The following PRRT1 variants were observed in gnomAD, a reference collection of about 807,000 sequenced individuals.
PRRT1 encodes the protein proline rich transmembrane protein 1.
In PRRT1, 8 loss-of-function variants were observed where a neutral mutation model predicts 22.6. That is an observed-to-expected ratio of 0.35 (90% CI 0.21 to 0.64). The LOEUF is 0.64. Among genes scored for constraint, PRRT1 ranks in the 30% least tolerant of loss-of-function variants. The probability of loss-of-function intolerance (pLI) is 0.69; values close to 1 mark genes in which losing one functional copy is unlikely to be tolerated. For synonymous variants in PRRT1, 176 were observed against 203.6 expected (o/e 0.86, Z 1.15); for missense variants, 315 against 444.5 (o/e 0.71, Z 2.62).
chr6:32,149,296 T>C lies in PRRT1; in HGVS notation c.847A>G (p.Met283Val). The stretch of plus-strand genomic sequence containing the variant: ...ACGGTGAGGATGGTACAGAGCACCA[T>C]GGCCGCGATGCCCACGGCCAGGGAG... ...FISLAVGIAA[M>V]VLCTILTVVI... Residue 283 changes from methionine to valine, a missense_variant, in exon 4 of 4, where the codon ATG (methionine) becomes GTG (valine). By Grantham distance (21) the Met-to-Val change is conservative. This residue lies in a region of PRRT1 where 24 missense variants were observed against 38.2 expected (regional missense o/e 0.63). Transcript: ENST00000211413. This position sits in a 1 kb window ranked among gnomAD's most constrained non-coding sequence, Gnocchi z 8.7. 6.2e-7 allele frequency: 1 copy of C among 1,610,674 alleles called. No homozygotes were observed. The highest frequency in any genetic ancestry group is 8.5e-7 in the Non-Finnish European group (1 of 1,179,214).
rs182073388 is a variant in PRRT1, at chr6:32,149,154, C to A, written c.*68G>T. 2 of 1,548,870 alleles carry A rather than the reference C, an allele frequency of 1.3e-6. No homozygotes were observed. The highest frequency in any genetic ancestry group is 3.7e-5 in the Admixed American group (2 of 54,066). On this transcript the variant is annotated 3_prime_UTR_variant, in exon 4 of 4. Transcript: ENST00000211413. The surrounding 1 kb of genome is among the most constrained non-coding windows in gnomAD (Gnocchi z 8.7). ...GGGTGTGCAGGGCGCCCATTGGGTC[C>A]GCGGTATGACTGCAGAAAGAGCCTG...
Position 32,149,273 on chromosome 6 carries a change from G to A in PRRT1, c.870C>T (p.Thr290=), listed in dbSNP as rs776159088. The change falls in exon 4 of 4, where the codon ACC becomes ACT. Residue 290 remains threonine (T), a synonymous_variant. Coordinates refer to ENST00000211413, the MANE Select transcript of PRRT1 (RefSeq NM_030651.4). This position sits in a 1 kb window ranked among gnomAD's most constrained non-coding sequence, Gnocchi z 8.7. ...IAAMVLCTIL[T]VVIIIAAQHH... ...GCTGCGCGGCGATGATGATGACTAC[G>A]GTGAGGATGGTACAGAGCACCATGG... is the stretch of plus-strand genomic sequence containing the variant. 16 of 1,611,568 alleles carry A rather than the reference G, an allele frequency of 9.9e-6. No homozygotes were observed. Among genetic ancestry groups the A allele is most frequent in the Non-Finnish European group, 1.4e-5 (16 of 1,179,766 alleles).
At chr6:32,151,101 C>T (rs1783246726) in intron 1 of PRRT1, 195 bp from the exon 2 acceptor site, 1 of 705,162 alleles carries the variant, frequency 1.4e-6, no homozygotes, top group South Asian at 1.5e-5. Context: ...TGCCCCCCTC[C>T]TTCTTCCTTC....
Position 32,149,444 on chromosome 6 carries a change from G to A in PRRT1, c.745-46C>T, listed in dbSNP as rs377701845. On this transcript the variant is annotated intron_variant, in intron 3 of 3. Transcript: ENST00000211413. The surrounding 1 kb of genome is among the most constrained non-coding windows in gnomAD (Gnocchi z 8.7). Reference sequence around the variant, plus strand: ...AAGGAGGTCAAAGAGCTGCGGCCTCGTTCGAACGCCTCAGCCTTTCTCTAA... The same window carrying A: ...AAGGAGGTCAAAGAGCTGCGGCCTCATTCGAACGCCTCAGCCTTTCTCTAA... 1.8e-5 allele frequency: 29 copies of A among 1,593,862 alleles called. No homozygotes were observed. The African/African-American group carries it at 2.5e-4, about 14-fold the overall frequency.
Position 32,150,768 on chromosome 6 carries a change from G to T in PRRT1, c.158C>A (p.Thr53Asn). The change falls in exon 2 of 4, where the codon ACC becomes AAC. Residue 53 changes from threonine to asparagine, a missense_variant. Coordinates refer to ENST00000211413, the MANE Select transcript of PRRT1 (RefSeq NM_030651.4). The surrounding 1 kb of genome is among the most constrained non-coding windows in gnomAD (Gnocchi z 7.2). ...TGCCCCTAAGCGCGGGAGGGTGGCG[G>T]TGCCAGACTGATGGTAGTGGTGGTG... ...HHHHHYHQSG[T>N]ATLPRLGAGG... The T allele has an allele frequency of 6.4e-7, 1 of 1,552,102 alleles. No homozygotes were observed.
intron 1 of PRRT1, chr6:32,151,405 T>G (rs929784446): frequency 4.8e-6 from 2 of 417,336 alleles, no homozygotes; most frequent in Non-Finnish European, 8.8e-6. Context: ...GGACCTCTTT[T>G]AGGGCAGATT....
In PRRT1 at chr6:32,149,666, C is replaced by T; in HGVS notation, c.615G>A (p.Pro205=). 1 of 1,611,660 alleles carries T rather than the reference C, an allele frequency of 6.2e-7. No individual in the cohort carries two copies. The highest frequency in any genetic ancestry group is 8.5e-7 in the Non-Finnish European group (1 of 1,179,406). The change falls in exon 3 of 4, where the codon CCG becomes CCA. Residue 205 remains proline, a synonymous_variant. Transcript: ENST00000211413. This position sits in a 1 kb window ranked among gnomAD's most constrained non-coding sequence, Gnocchi z 8.7. ...GTGVTSTLPP[P]PQGPGLALLE... The stretch of plus-strand genomic sequence containing the variant: ...GTAGGGCCAGCCCTGGGCCCTGGGG[C>T]GGCGGGGGGAGAGTGGAGGTCACTC...
chr6:32,150,348 CCT>C lies in PRRT1; in HGVS notation c.558+18_558+19del, dbSNP rs759189353. Reference sequence around the variant, plus strand: ...ATCGCGTCCCCCTCTTTCCCATGTCCCTGTCTGCCCGGCACTCACCGTGCCCA... The same window carrying C: ...ATCGCGTCCCCCTCTTTCCCATGTCCGTCTGCCCGGCACTCACCGTGCCCA... On this transcript the variant is annotated intron_variant, in intron 2 of 3. Transcript: ENST00000211413. This position sits in a 1 kb window ranked among gnomAD's most constrained non-coding sequence, Gnocchi z 7.2. 4 of 1,550,208 alleles carry C rather than the reference CCT, an allele frequency of 2.6e-6. No individual in the cohort carries two copies. The African/African-American group carries it at 5.7e-5, about 22-fold the overall frequency.
upstream of PRRT1, chr6:32,151,973 C>CGGGGGGG: frequency 2.4e-5 from 2 of 84,026 alleles, no homozygotes; most frequent in Non-Finnish European, 2.2e-5. Context: ...GCGGGGGGGG[C>CGGGGGGG]GGGCGGAGGG....
At position 32,150,742 on chromosome 6, in the gene PRRT1, C is replaced by CT. The variant is rs1165656172; in HGVS notation, c.183dup (p.Gly62ArgfsTer416). 3.3e-6 allele frequency: 5 copies of CT among 1,521,370 alleles called. No individual in the cohort carries two copies. The highest frequency in any genetic ancestry group is 1.4e-5 in the African/African-American group (1 of 73,326). 94.2% of individuals were successfully genotyped at this position (1,521,370 alleles called of 1,614,324 possible). On this transcript the variant is annotated frameshift_variant, in exon 2 of 4. Coordinates refer to ENST00000211413, the MANE Select transcript of PRRT1 (RefSeq NM_030651.4). LOFTEE classifies it high-confidence loss of function. The surrounding 1 kb of genome is among the most constrained non-coding windows in gnomAD (Gnocchi z 7.2). ...GTGGCCGCGGAAGAGGCCAGGCCCC[C>CT]TGCCCCTAAGCGCGGGAGGGTGGCG...
upstream of PRRT1, chr6:32,151,998 G>GA: frequency 2.7e-6 from 1 of 376,812 alleles, no homozygotes; most frequent in Non-Finnish European, 5.3e-6. Context: ...CGGGGAGGGG[G>GA]GGAGCTTAAA....
upstream of PRRT1, chr6:32,152,000 G>GGGGGGTGA: frequency 2.9e-6 from 1 of 350,442 alleles, no homozygotes; most frequent in Non-Finnish European, 5.7e-6. Context: ...GGGAGGGGGG[G>GGGGGGTGA]AGCTTAAAGG....
chr6:32,152,132 T>C (rs1783358242), upstream of PRRT1: 1 of 686,842 alleles, frequency 1.5e-6, no homozygotes, highest in Non-Finnish European at 2.7e-6. Flanking sequence ...TCCTTTGGAG[T>C]TGTCATGGAA....
Position 32,150,909 on chromosome 6 carries a change from G to A in PRRT1, c.20-3C>T, listed in dbSNP as rs1783232637. 1 of 1,571,298 alleles carries A rather than the reference G, an allele frequency of 6.4e-7. No individual in the cohort carries two copies. The highest frequency in any genetic ancestry group is 8.6e-7 in the Non-Finnish European group (1 of 1,164,254). On this transcript the variant is annotated splice_polypyrimidine_tract_variant and splice_region_variant and intron_variant, in intron 1 of 3. Coordinates refer to ENST00000211413, the MANE Select transcript of PRRT1 (RefSeq NM_030651.4). The surrounding 1 kb of genome is among the most constrained non-coding windows in gnomAD (Gnocchi z 7.2). Reference sequence around the variant, plus strand: ...GTGAGGGACTGAGTCTGGGAGTCCTGGGGGAGGTGAGTGGAGGAGAGTATA... The same window carrying A: ...GTGAGGGACTGAGTCTGGGAGTCCTAGGGGAGGTGAGTGGAGGAGAGTATA...
rs1783083800 is a variant in PRRT1, at chr6:32,148,512, G to A, written c.*710C>T. 2 of 302,740 alleles carry A rather than the reference G, an allele frequency of 6.6e-6. No individual in the cohort carries two copies. Among genetic ancestry groups the A allele is most frequent in the Admixed American group, 8.5e-5 (2 of 23,596 alleles). The allele number at this position is 302,740 out of a possible 1,614,324, so 18.8% of individuals were successfully genotyped here. On this transcript the variant is annotated 3_prime_UTR_variant, in exon 4 of 4. Coordinates refer to ENST00000211413, the MANE Select transcript of PRRT1 (RefSeq NM_030651.4). This position sits in a 1 kb window ranked among gnomAD's most constrained non-coding sequence, Gnocchi z 5.7. ...CTTCTGCCCGGCTGCCCAGGGGCTGGGATGGGTGGAAGGGAGTATTTACAG... is the reference window on the plus strand; with the variant it reads ...CTTCTGCCCGGCTGCCCAGGGGCTGAGATGGGTGGAAGGGAGTATTTACAG...
At chr6:32,151,064 C>A in intron 1 of PRRT1, 158 bp from the exon 2 acceptor site, 1 of 744,342 alleles carries the variant, frequency 1.3e-6, no homozygotes, top group Non-Finnish European at 2.4e-6. Flanking sequence ...ATTTGAGGGG[C>A]AAGAGAGGGG....
chr6:32,151,032 G>C, intron 1 of PRRT1, 126 bp from the exon 2 acceptor site: 2 of 828,850 alleles, frequency 2.4e-6, no homozygotes, highest in South Asian at 1.4e-5. Context: ...CATAGAGAGA[G>C]ACGGGTGAGA....
rs543783199 is a variant in PRRT1 at position 32,150,534 on chromosome 6, G to A, written c.392C>T (p.Ala131Val). 6 of 1,368,450 alleles carry A rather than the reference G, an allele frequency of 4.4e-6. No homozygotes were observed. Among genetic ancestry groups the A allele is most frequent in the Non-Finnish European group, 5.6e-6 (6 of 1,063,248 alleles). 84.8% of individuals were successfully genotyped at this position (1,368,450 alleles called of 1,614,324 possible). Reference sequence around the variant, plus strand: ...CTGGGCTGGCGCCGGCGGGGGCGGGGCGGCGGCAGCGGGCGGCGGCGGGGG... The same window carrying A: ...CTGGGCTGGCGCCGGCGGGGGCGGGACGGCGGCAGCGGGCGGCGGCGGGGG... ...PLPPPPPAAA[A>V]PPPPAPAQTA... The change falls in exon 2 of 4, where the codon GCC becomes GTC. Residue 131 changes from alanine to valine, a missense_variant. Ala to Val is a moderately conservative substitution (Grantham distance 64, BLOSUM62 0). This residue lies in a region of PRRT1 where 263 missense variants were observed against 328.5 expected (regional missense o/e 0.80). Coordinates refer to ENST00000211413, the MANE Select transcript of PRRT1 (RefSeq NM_030651.4). The surrounding 1 kb of genome is among the most constrained non-coding windows in gnomAD (Gnocchi z 7.2).
Position 32,149,964 on chromosome 6 carries a change from A to C in PRRT1, c.559-242T>G. On this transcript the variant is annotated intron_variant, in intron 2 of 3. Transcript: ENST00000211413. This position sits in a 1 kb window ranked among gnomAD's most constrained non-coding sequence, Gnocchi z 8.7. Reference sequence around the variant, plus strand: ...ATTCTCTCCCGCAAGGTATGGTCCCACTGGGGCTGTCCTGGCCTCAGGTCA... The same window carrying C: ...ATTCTCTCCCGCAAGGTATGGTCCCCCTGGGGCTGTCCTGGCCTCAGGTCA... The C allele has an allele frequency of 1.8e-6, 1 of 549,224 alleles. No individual in the cohort carries two copies. Among genetic ancestry groups the C allele is most frequent in the Non-Finnish European group, 3.2e-6 (1 of 314,010 alleles). 34.0% of individuals were successfully genotyped at this position (549,224 alleles called of 1,614,324 possible). A position where few individuals can be genotyped will look rare whatever the true frequency, so the allele number is the denominator to read the frequency against.
Sources: gnomAD v4.1 joint callset for allele counts on GRCh38, gnomAD v4.1.1 for gene constraint, gnomAD v4.1.1 regional missense constraint, Gnocchi (gnomAD v3.1) non-coding constraint, MANE v1.5 for transcripts, NCBI Gene and HGNC (gene_info 2026-07-23, HGNC 2026-07-21) for gene names.